The following CDHR2 variants were observed in gnomAD, a reference collection of about 807,000 sequenced individuals.
CDHR2 encodes cadherin related family member 2.
CDHR2 carries 104 observed loss-of-function variants against 138.6 expected under a neutral mutation model. The ratio of observed to expected loss-of-function variants is 0.75; its 90% CI spans 0.64 to 0.88. CDHR2 has a LOEUF of 0.88. Among genes scored for constraint, CDHR2 ranks in the 40% least tolerant of loss-of-function variants. The pLI is 0.00. For synonymous variants in CDHR2, 755 were observed against 742.8 expected (o/e 1.02, Z -0.27); for missense variants, 1,624 against 1,727.6 (o/e 0.94, Z 1.06).
chr5:176,588,265 T>A (rs868657389), intron 21 of CDHR2, among the ~76,000 whole-genome samples: 4 of 139,452 alleles, frequency 2.9e-5, no homozygotes, highest in Admixed American at 1.5e-4. Flanking sequence ...TGAGTGAGTG[T>A]ATGTGAATGT....
chr5:176,569,438 C>T (rs1015781671), intron 5 of CDHR2, among the ~76,000 whole-genome samples: 2 of 151,944 alleles, frequency 1.3e-5, no homozygotes, highest in African/African-American at 2.4e-5. Flanking sequence ...CGCCAGCCAC[C>T]ACGCCCGGCT....
At chr5:176,588,606 C>T (rs951165764) in intron 21 of CDHR2, among the ~76,000 whole-genome samples, 2 of 122,700 alleles carry the variant, frequency 1.6e-5, no homozygotes, top group African/African-American at 3.2e-5. Context: ...AGTGTGTGTG[C>T]ATATGTGTGT....
chr5:176,573,117 G>C (rs1311577882), intron 6 of CDHR2, among the ~76,000 whole-genome samples: 1 of 152,036 alleles, frequency 6.6e-6, no homozygotes, highest in African/African-American at 2.4e-5. Flanking sequence ...GGTGCTCCAG[G>C]CAGGGGGAAC....
At chr5:176,581,218 CA>C in intron 16 of CDHR2, 124 bp from the exon 17 acceptor site, 1 of 1,283,268 alleles carries the variant, frequency 7.8e-7, no homozygotes, top group Non-Finnish European at 1.1e-6. Context: ...GAGATGGGCC[CA>C]GGGGCTCCAG....
At position 176,568,715 on chromosome 5, in the gene CDHR2, C is replaced by G. The variant is rs763921301; in HGVS notation, c.162C>G (p.Asp54Glu). 6.2e-7 allele frequency: 1 copy of G among 1,614,232 alleles called. No individual in the cohort carries two copies. Among genetic ancestry groups the G allele is most frequent in the South Asian group, 1.1e-5 (1 of 91,090 alleles). ...QAFWLVAEDQ[D>E]NDPLTYGMSG... Reference sequence around the variant, plus strand: ...TCTGGTTGGTAGCGGAAGACCAGGACAATGACCCTCTGACCTATGGGATGA... The same window carrying G: ...TCTGGTTGGTAGCGGAAGACCAGGAGAATGACCCTCTGACCTATGGGATGA... The change falls in exon 4 of 32, where the codon GAC becomes GAG. Residue 54 changes from aspartate (D) to glutamate (E), a missense_variant. Physicochemically the swap from Asp to Glu is conservative, Grantham distance 45. Coordinates refer to ENST00000261944, the MANE Select transcript of CDHR2 (RefSeq NM_017675.6).
upstream of CDHR2, among the ~76,000 whole-genome samples, chr5:176,546,193 C>T (rs970212102): frequency 2.0e-5 from 3 of 152,150 alleles, no homozygotes; most frequent in Non-Finnish European, 4.4e-5. Context: ...AGGAATCTGA[C>T]GGCTGTGGCA....
intron 3 of CDHR2, 97 bp from the exon 4 acceptor site, chr5:176,568,581 G>A: frequency 7.1e-7 from 1 of 1,402,438 alleles, no homozygotes; most frequent in South Asian, 1.3e-5. Flanking sequence ...CTGTGTACAG[G>A]GCAGCCAGGC....
chr5:176,592,289 ATGG>A lies in CDHR2; in HGVS notation c.3735-428_3735-426del, dbSNP rs1351418450. 1.1e-3 allele frequency among the ~76,000 whole-genome samples: 118 copies of A among 105,266 alleles called. 1 individual carries two copies. The highest frequency in any genetic ancestry group is 4.2e-3 in the African/African-American group (111 of 26,366). The allele number at this position is 105,266 out of a possible 152,430, so 69.1% of individuals were successfully genotyped here. A position where few individuals can be genotyped will look rare whatever the true frequency, so the allele number is the denominator to read the frequency against. On this transcript the variant is annotated intron_variant, in intron 30 of 31. Transcript: ENST00000261944. ...TGAGGTGATGATGGTGGTGATGGTG[ATGG>A]TGGTGATGGTGATGGTGGTGGTGGT...
intron 31 of CDHR2, 59 bp downstream of exon 31, chr5:176,592,839 T>C: frequency 6.9e-7 from 1 of 1,455,538 alleles, no homozygotes; most frequent in Non-Finnish European, 9.7e-7. Flanking sequence ...CTGTGGAGGC[T>C]TCAGGGCAGA....
chr5:176,546,483 A>C (rs1433908001), upstream of CDHR2, among the ~76,000 whole-genome samples: 2 of 152,142 alleles, frequency 1.3e-5, no homozygotes, highest in Admixed American at 1.3e-4. Flanking sequence ...CATCCTCACC[A>C]TCACCTGCCC....
In CDHR2 at chr5:176,575,182, T is replaced by C. The variant is rs1024982301; in HGVS notation, c.594T>C (p.Ala198=). The change falls in exon 8 of 32, where the codon GCT becomes GCC. Residue 198 remains alanine (A), a synonymous_variant. Coordinates refer to ENST00000261944, the MANE Select transcript of CDHR2 (RefSeq NM_017675.6). ...NGSLSYNNKS[A]FYQLELKACD... is the part of the protein sequence containing the mutation. Reference sequence around the variant, plus strand: ...GCCTCAGCTACAACAACAAGAGCGCTTTCTACCAGCTGGAGCTGAAGGCCT... The same window carrying C: ...GCCTCAGCTACAACAACAAGAGCGCCTTCTACCAGCTGGAGCTGAAGGCCT... 6.2e-7 allele frequency: 1 copy of C among 1,614,192 alleles called. No homozygotes were observed. The highest frequency in any genetic ancestry group is 8.5e-7 in the Non-Finnish European group (1 of 1,180,040).
At chr5:176,577,876 G>GTA in intron 14 of CDHR2, 78 bp downstream of exon 14, 1 of 1,535,398 alleles carries the variant, frequency 6.5e-7, no homozygotes, top group African/African-American at 1.4e-5. Flanking sequence ...GTGTGTGTGT[G>GTA]TGTATGTGTG....
intron 3 of CDHR2, among the ~76,000 whole-genome samples, chr5:176,568,308 G>A (rs536542896): frequency 6.6e-6 from 1 of 152,354 alleles, no homozygotes; most frequent in Non-Finnish European, 1.5e-5. Flanking sequence ...GGGGTGTCCT[G>A]GAAGGCTCTC....
At chr5:176,573,971 C>A in intron 6 of CDHR2, 112 bp from the exon 7 acceptor site, 2 of 812,548 alleles carry the variant, frequency 2.5e-6, no homozygotes, top group Non-Finnish European at 2.0e-6. Context: ...GACAGGGGAA[C>A]CCTGTCCCCA....
rs773260628 is a variant in CDHR2 at position 176,584,262 on chromosome 5, AT to A, written c.2128+4del. 2.5e-6 allele frequency: 4 copies of A among 1,613,798 alleles called. No individual in the cohort carries two copies. The Admixed American group carries it at 6.7e-5, about 27-fold the overall frequency. On this transcript the variant is annotated splice_donor_region_variant and intron_variant, in intron 18 of 31. Transcript: ENST00000261944. ...TACGGTGAAGGAGGAGGATCCAGGT[AT>A]GTGCTCCCTGGGCCAGGAGAGACAC...
chr5:176,575,002 G>T, intron 7 of CDHR2, 82 bp from the exon 8 acceptor site: 1 of 1,547,614 alleles, frequency 6.5e-7, no homozygotes. Context: ...GCAGAGCTGG[G>T]ACCTTCCCTG....
chr5:176,543,340 G>A lies in CDHR2; in HGVS notation c.-16+571G>A, dbSNP rs1757502191. Reference sequence around the variant, plus strand: ...TGCAGCCCAGGCTCGCGGTGCGGCTGCGGCCCGCGCGCCGCCTGCCGCGGC... The same window carrying A: ...TGCAGCCCAGGCTCGCGGTGCGGCTACGGCCCGCGCGCCGCCTGCCGCGGC... On this transcript the variant is annotated intron_variant, in intron 1 of 31. Coordinates refer to the CDHR2 transcript ENST00000510636. The surrounding 1 kb of genome is among the most constrained non-coding windows in gnomAD (Gnocchi z 4.0). 6.8e-6 allele frequency among the ~76,000 whole-genome samples: 1 copy of A among 147,950 alleles called. No individual in the cohort carries two copies. Among genetic ancestry groups the A allele is most frequent in the Admixed American group, 6.7e-5 (1 of 14,906 alleles).
rs751985605 is a variant in CDHR2, at chr5:176,575,435, G to A, written c.768+9G>A. 1.2e-6 allele frequency: 2 copies of A among 1,614,122 alleles called. No individual in the cohort carries two copies. Among genetic ancestry groups the A allele is most frequent in the African/African-American group, 2.7e-5 (2 of 74,948 alleles). The stretch of plus-strand genomic sequence containing the variant: ...CTGAGGATGCAGCCAAGGTGCACGG[G>A]GGACCTGTGGGGTGTGGGTGGAGGC... On this transcript the variant is annotated intron_variant, in intron 9 of 31. Coordinates refer to ENST00000261944, the MANE Select transcript of CDHR2 (RefSeq NM_017675.6).
chr5:176,578,386 T>A lies in CDHR2; in HGVS notation c.1596T>A (p.Asp532Glu), dbSNP rs1047459749. Reference sequence around the variant, plus strand: ...GCAGGGCAGACCTCTTCCAAGTGGATCCCGTCTCAGGGACGGTGACGGTGA... The same window carrying A: ...GCAGGGCAGACCTCTTCCAAGTGGAACCCGTCTCAGGGACGGTGACGGTGA... Reference protein sequence around the residue: ...PGNGADLFQVDPVSGTVTVRN... With the variant: ...PGNGADLFQVEPVSGTVTVRN... The change falls in exon 16 of 32, where the codon GAT becomes GAA. Residue 532 changes from aspartate to glutamate, a missense_variant. By Grantham distance (45) the Asp-to-Glu change is conservative. Coordinates refer to ENST00000261944, the MANE Select transcript of CDHR2 (RefSeq NM_017675.6). 1 of 1,613,524 alleles carries A rather than the reference T, an allele frequency of 6.2e-7. No individual in the cohort carries two copies. The highest frequency in any genetic ancestry group is 8.5e-7 in the Non-Finnish European group (1 of 1,179,814).
Sources: gnomAD v4.1 joint callset for allele counts (sites outside exome capture counted in the v4.1 genomes callset) on GRCh38, gnomAD v4.1.1 for gene constraint, Gnocchi (gnomAD v3.1) non-coding constraint, MANE v1.5 for transcripts, NCBI Gene and HGNC (gene_info 2026-07-23, HGNC 2026-07-21) for gene names.